CDH13: variants seen among roughly 807,000 people sequenced by gnomAD.
CDH13 encodes cadherin 13.
Under a neutral mutation model 63.8 loss-of-function variants are expected in CDH13, and 24 were observed. The ratio of observed to expected loss-of-function variants is 0.38; its 90% CI spans 0.27 to 0.53. The LOEUF (loss-of-function observed/expected upper bound fraction) is 0.53, where lower values mean the gene tolerates loss of function less well. Ranked by LOEUF, CDH13 falls within the 20% of genes least tolerant of loss-of-function variation. CDH13 has a pLI of 0.85. For synonymous variants in CDH13, 503 were observed against 355.3 expected (o/e 1.42, Z -4.67); for missense variants, 1,049 against 903.1 (o/e 1.16, Z -2.07).
At chr16:83,011,611 A>T (rs1914163574) in intron 2 of CDH13, among the ~76,000 whole-genome samples, 1 of 152,218 alleles carries the variant, frequency 6.6e-6, no homozygotes, top group African/African-American at 2.4e-5. Context: ...AGAAACATGC[A>T]TACACACATA....
chr16:82,841,502 T>G (rs556825752), intron 1 of CDH13, among the ~76,000 whole-genome samples: 45 of 152,350 alleles, frequency 3.0e-4, no homozygotes, highest in African/African-American at 8.7e-4. Context: ...TCTGATCATT[T>G]GAGCTAGGAC....
chr16:83,363,267 T>G (rs2091198204), intron 6 of CDH13, among the ~76,000 whole-genome samples: 1 of 152,246 alleles, frequency 6.6e-6, no homozygotes, highest in Admixed American at 6.5e-5. Context: ...GACTTGATAG[T>G]TGGCATCTCT....
intron 3 of CDH13, among the ~76,000 whole-genome samples, chr16:83,072,588 G>A (rs1213169374): frequency 6.6e-6 from 1 of 152,168 alleles, no homozygotes; most frequent in East Asian, 1.9e-4. Context: ...CAGAACAGTT[G>A]GATTCTGGAT....
At chr16:82,848,705 C>G (rs2039364677) in intron 1 of CDH13, among the ~76,000 whole-genome samples, 1 of 152,116 alleles carries the variant, frequency 6.6e-6, no homozygotes. Flanking sequence ...TCCAAACATC[C>G]TATTTCCTGA....
intron 5 of CDH13, among the ~76,000 whole-genome samples, chr16:83,236,407 C>G (rs972481435): frequency 1.3e-5 from 2 of 152,152 alleles, no homozygotes; most frequent in Admixed American, 1.3e-4. Flanking sequence ...ATATTACACA[C>G]TTTTAAGAAA....
chr16:82,897,365 A>T (rs1460387541), intron 2 of CDH13, among the ~76,000 whole-genome samples: 2 of 152,186 alleles, frequency 1.3e-5, no homozygotes, highest in Non-Finnish European at 2.9e-5. Flanking sequence ...AAGAAATATT[A>T]GTTCAATGAA....
rs184710929 is a variant in CDH13 at position 82,630,337 on chromosome 16, T to G, written c.45+3200T>G. Among the ~76,000 whole-genome samples the G allele has an allele frequency of 3.3e-4, 50 of 152,322 alleles. No individual in the cohort carries two copies. The East Asian group carries it at 9.3e-3, about 28-fold the overall frequency. Reference sequence around the variant, plus strand: ...TAGAGTTCACCTGTCTGAATATTTTTTTTTAGCAAGTCCCAAAACAGGTTT... The same window carrying G: ...TAGAGTTCACCTGTCTGAATATTTTGTTTTAGCAAGTCCCAAAACAGGTTT... On this transcript the variant is annotated intron_variant, in intron 1 of 13. Coordinates refer to ENST00000567109, the MANE Select transcript of CDH13 (RefSeq NM_001257.5).
At chr16:83,106,089 T>C (rs2034750236) in intron 3 of CDH13, among the ~76,000 whole-genome samples, 1 of 152,236 alleles carries the variant, frequency 6.6e-6, no homozygotes, top group Non-Finnish European at 1.5e-5. Flanking sequence ...TACAGGACTT[T>C]TAAAATGTTC....
At chr16:83,327,785 GAA>G (rs2090396853) in intron 5 of CDH13, among the ~76,000 whole-genome samples, 1 of 152,068 alleles carries the variant, frequency 6.6e-6, no homozygotes, top group South Asian at 2.1e-4. Context: ...CTTTGGAAAA[GAA>G]AAAAGTCTTA....
At chr16:83,628,843 C>T (rs1239761987) in intron 8 of CDH13, among the ~76,000 whole-genome samples, 2 of 152,162 alleles carry the variant, frequency 1.3e-5, no homozygotes, top group South Asian at 2.1e-4. Context: ...TGTCTAAAAG[C>T]TTTCTGTGGG....
At chr16:83,284,124 G>C (rs9332462) in intron 5 of CDH13, among the ~76,000 whole-genome samples, 1 of 151,842 alleles carries the variant, frequency 6.6e-6, no homozygotes, top group Admixed American at 6.6e-5. Flanking sequence ...AACTCATCCC[G>C]CAGTTTTCAA....
intron 6 of CDH13, among the ~76,000 whole-genome samples, chr16:83,463,224 T>G (rs543400743): frequency 5.9e-5 from 9 of 152,178 alleles, no homozygotes; most frequent in African/African-American, 2.2e-4. Flanking sequence ...AGGCGTCAGA[T>G]AGCACAGCCA....
chr16:82,801,658 G>C (rs1183444753), intron 1 of CDH13, among the ~76,000 whole-genome samples: 2 of 152,200 alleles, frequency 1.3e-5, no homozygotes, highest in African/African-American at 4.8e-5. Context: ...CTTAACCGTA[G>C]ACAGGAACCT....
chr16:83,045,130 G>A (rs78222002), intron 3 of CDH13, among the ~76,000 whole-genome samples: 1,888 of 152,162 alleles, frequency 0.012, 16 homozygotes, highest in Non-Finnish European at 0.02. Flanking sequence ...ACTCCTATTA[G>A]AGATTAAATG....
At chr16:82,838,751 C>T (rs1403506542) in intron 1 of CDH13, among the ~76,000 whole-genome samples, 1 of 152,190 alleles carries the variant, frequency 6.6e-6, no homozygotes, top group Admixed American at 6.5e-5. Context: ...GTACTTCTCT[C>T]ATTCTGTGAT....
At chr16:82,662,009 G>C (rs1040180111) in intron 1 of CDH13, among the ~76,000 whole-genome samples, 3 of 152,224 alleles carry the variant, frequency 2.0e-5, no homozygotes, top group Non-Finnish European at 4.4e-5. Flanking sequence ...CTTTGTCACA[G>C]GCGGCTAGTG....
intron 11 of CDH13, among the ~76,000 whole-genome samples, chr16:83,766,519 G>T (rs1249682225): frequency 2.0e-5 from 3 of 152,216 alleles, no homozygotes; most frequent in East Asian, 1.9e-4. Context: ...ACCTCACTTT[G>T]CACACTGTTT....
At chr16:83,370,745 A>G (rs1449116996) in intron 6 of CDH13, among the ~76,000 whole-genome samples, 1 of 152,156 alleles carries the variant, frequency 6.6e-6, no homozygotes, top group Non-Finnish European at 1.5e-5. Context: ...TTTCTTTGTT[A>G]CTTTGCTTAG....
chr16:83,160,313 G>T lies in CDH13; in HGVS notation c.483+34812G>T, dbSNP rs74791491. ...AGGTATATGAGAAATCTCTGTAGCT[G>T]ACTTTCAATTTTATTATAAACCTGA... On this transcript the variant is annotated intron_variant, in intron 4 of 13. Coordinates refer to ENST00000567109, the MANE Select transcript of CDH13 (RefSeq NM_001257.5). 0.011 allele frequency among the ~76,000 whole-genome samples: 1,728 copies of T among 152,074 alleles called. 81 individuals are homozygous for T. The East Asian group carries it at 0.12, about 11-fold the overall frequency.
Sources: allele counts gnomAD v4.1 joint callset (sites outside exome capture counted in the v4.1 genomes callset), GRCh38; gene constraint gnomAD v4.1.1; transcripts MANE v1.5; gene names NCBI Gene and HGNC (gene_info 2026-07-23, HGNC 2026-07-21).